Variants in ARID2 observed in about 807,000 individuals in gnomAD.
ARID2 encodes the protein AT-rich interactive domain-containing protein 2.
In ARID2, 32 loss-of-function variants were observed where a neutral mutation model predicts 184.6. That is an observed-to-expected ratio of 0.17 (90% CI 0.13 to 0.23). The LOEUF is 0.23. Ranked by LOEUF, ARID2 falls within the 10% of genes least tolerant of loss-of-function variation. The probability of loss-of-function intolerance (pLI) is 1.00; values close to 1 mark genes in which losing one functional copy is unlikely to be tolerated. For missense variants in ARID2, 1,696 were observed against 2,197.6 expected (o/e 0.77, Z 4.56); for synonymous variants, 836 against 772.6 (o/e 1.08, Z -1.36).
intron 3 of ARID2, among the ~76,000 whole-genome samples, chr12:45,796,793 C>T (rs1942400073): frequency 6.6e-6 from 1 of 152,126 alleles, no homozygotes; most frequent in South Asian, 2.1e-4. Context: ...CTGATGTGAA[C>T]CATTGCGCCT....
chr12:45,905,754 T>C lies in ARID2; in HGVS notation c.*676T>C, dbSNP rs1442320911. ...CTGCAGCCACTGGAAATACATTCTG[T>C]GGTGTCCTAGAAGCATTATTGGTAG... On this transcript the variant is annotated 3_prime_UTR_variant, in exon 21 of 21. Transcript: ENST00000334344. The C allele has an allele frequency of 4.3e-6, 1 of 232,884 alleles. No homozygotes were observed. The highest frequency in any genetic ancestry group is 8.5e-6 in the Non-Finnish European group (1 of 117,682). The allele number at this position is 232,884 out of a possible 1,614,324, so 14.4% of individuals were successfully genotyped here.
Position 45,839,515 on chromosome 12 carries a change from T to C in ARID2, c.1498+19T>C. On this transcript the variant is annotated intron_variant, in intron 11 of 20. Transcript: ENST00000334344. ...GCCCCAGGTTAGTGTTTTCACATAT[T>C]CTTTTTCAGTGTGGTTACGAGTGTA... 6.2e-7 allele frequency: 1 copy of C among 1,602,336 alleles called. No homozygotes were observed. The highest frequency in any genetic ancestry group is 8.5e-7 in the Non-Finnish European group (1 of 1,175,358).
chr12:45,883,773 A>G (rs1346836948), intron 16 of ARID2, among the ~76,000 whole-genome samples: 1 of 151,914 alleles, frequency 6.6e-6, no homozygotes, highest in African/African-American at 2.4e-5. Context: ...TTGAAAGCCC[A>G]CTTCCTCAGC....
chr12:45,782,365 C>T (rs966865149), intron 3 of ARID2, among the ~76,000 whole-genome samples: 4 of 152,104 alleles, frequency 2.6e-5, no homozygotes, highest in Non-Finnish European at 5.9e-5. Flanking sequence ...GGCACGGTGG[C>T]TCATGCCTGT....
intron 16 of ARID2, chr12:45,882,375 C>T (rs1944120497): frequency 6.6e-6 from 1 of 152,280 alleles, no homozygotes; most frequent in South Asian, 2.1e-4. Flanking sequence ...ACGAATAATG[C>T]TTTGTCTGAT....
At chr12:45,833,715 A>G (rs1455108049) in intron 6 of ARID2, among the ~76,000 whole-genome samples, 4 of 152,138 alleles carry the variant, frequency 2.6e-5, no homozygotes, top group Non-Finnish European at 5.9e-5. Flanking sequence ...TAGGTATGAC[A>G]TTTTGGGAAT....
rs1386766958 is a variant in ARID2 at position 45,851,164 on chromosome 12, A to G, written c.3041A>G (p.Gln1014Arg). The G allele has an allele frequency of 6.2e-7, 1 of 1,614,140 alleles. No homozygotes were observed. Among genetic ancestry groups the G allele is most frequent in the South Asian group, 1.1e-5 (1 of 91,082 alleles). ...ATGTTATCTGTGAAAAGGCAGCAAC[A>G]GCAGCAACATTCACCAGCACCCCCA... ...SQMLSVKRQQ[Q>R]QQHSPAPPPQ... is the part of the protein sequence containing the mutation. Residue 1014 changes from glutamine (Q) to arginine (R), a missense_variant, in exon 15 of 21, where the codon CAG becomes CGG. Physicochemically the swap from Gln to Arg is conservative, Grantham distance 43 (BLOSUM62 1). Coordinates refer to ENST00000334344, the MANE Select transcript of ARID2 (RefSeq NM_152641.4).
Position 45,837,673 on chromosome 12 carries a change from T to G in ARID2, c.1296T>G (p.Ala432=), listed in dbSNP as rs1943245347. Residue 432 remains alanine (A), a synonymous_variant, in exon 10 of 21, where the codon GCT becomes GCG. Coordinates refer to ENST00000334344, the MANE Select transcript of ARID2 (RefSeq NM_152641.4). ...LYMLTEMGDV[A]CTKIAKVEKS... is the part of the protein sequence containing the mutation. ...TGCTCACGGAAATGGGAGATGTTGC[T>G]TGCACAAAAATTGCAAAAGTAGAAA... 2 of 1,613,708 alleles carry G rather than the reference T, an allele frequency of 1.2e-6. No homozygotes were observed. The highest frequency in any genetic ancestry group is 1.7e-6 in the Non-Finnish European group (2 of 1,179,754).
intron 3 of ARID2, among the ~76,000 whole-genome samples, chr12:45,790,480 G>T (rs1196536819): frequency 6.6e-6 from 1 of 152,042 alleles, no homozygotes; most frequent in South Asian, 2.1e-4. Context: ...TGTTTATGTG[G>T]TTCTCTCAGT....
At chr12:45,811,381 A>G (rs1242111242) in intron 3 of ARID2, 37 bp from the exon 4 acceptor site, 14 of 1,584,810 alleles carry the variant, frequency 8.8e-6, no homozygotes, top group Non-Finnish European at 1.2e-5. Context: ...ATATAAATCT[A>G]TTTTTAAATG....
chr12:45,852,216 G>T lies in ARID2; in HGVS notation c.4093G>T (p.Asp1365Tyr), dbSNP rs2138176971. The T allele has an allele frequency of 2.5e-6, 4 of 1,614,040 alleles. No individual in the cohort carries two copies. Among genetic ancestry groups the T allele is most frequent in the Admixed American group, 1.7e-5 (1 of 59,998 alleles). Reference sequence around the variant, plus strand: ...GCTAGTTAATGGAATCTGTGATTTTGATAAAGGAGATGGTTCTCATTTAAG... The same window carrying T: ...GCTAGTTAATGGAATCTGTGATTTTTATAAAGGAGATGGTTCTCATTTAAG... Reference protein sequence around the residue: ...KPLVNGICDFDKGDGSHLSKN... With the variant: ...KPLVNGICDFYKGDGSHLSKN... The change falls in exon 15 of 21, where the codon GAT (aspartate) becomes TAT (tyrosine). Residue 1365 changes from aspartate to tyrosine, a missense_variant. Transcript: ENST00000334344.
intron 15 of ARID2, 21 bp downstream of exon 15, chr12:45,852,917 ATT>A: frequency 6.6e-7 from 1 of 1,525,254 alleles, no homozygotes; most frequent in East Asian, 2.3e-5. Context: ...CCATGATCAC[ATT>A]TCTCTTATGA....
chr12:45,790,475 A>T (rs1341753989), intron 3 of ARID2, among the ~76,000 whole-genome samples: 1 of 152,122 alleles, frequency 6.6e-6, no homozygotes, highest in African/African-American at 2.4e-5. Flanking sequence ...TAAATTGTTT[A>T]TGTGGTTCTC....
At chr12:45,860,338 C>T (rs1291830221) in intron 15 of ARID2, among the ~76,000 whole-genome samples, 1 of 152,186 alleles carries the variant, frequency 6.6e-6, no homozygotes, top group Non-Finnish European at 1.5e-5. Flanking sequence ...TTATTGCTAT[C>T]TAAAATTTTC....
chr12:45,884,610 TTAATAG>T, intron 16 of ARID2, among the ~76,000 whole-genome samples: 2 of 151,964 alleles, frequency 1.3e-5, no homozygotes, highest in African/African-American at 4.8e-5. Context: ...GACCGGCGGG[TTAATAG>T]CACTTGATGT....
intron 11 of ARID2, among the ~76,000 whole-genome samples, chr12:45,844,887 A>G (rs1943413926): frequency 6.6e-6 from 1 of 152,226 alleles, no homozygotes; most frequent in South Asian, 2.1e-4. Context: ...GGTGAGAATT[A>G]AGTCATTTGA....
intron 15 of ARID2, 89 bp from the exon 16 acceptor site, chr12:45,860,712 A>C: frequency 8.7e-7 from 1 of 1,150,278 alleles, no homozygotes; most frequent in Non-Finnish European, 1.1e-6. Context: ...GAAATGTATA[A>C]CAACATAATC....
intron 16 of ARID2, among the ~76,000 whole-genome samples, chr12:45,867,017 C>T (rs1055717956): frequency 3.3e-5 from 5 of 151,974 alleles, no homozygotes; most frequent in African/African-American, 1.2e-4. Context: ...GTGGGGTGAT[C>T]TCGGCTCACT....
At chr12:45,780,259 T>C (rs142924486) in intron 3 of ARID2, among the ~76,000 whole-genome samples, 1,621 of 152,300 alleles carry the variant, frequency 0.011, 20 homozygotes, top group South Asian at 0.026. Flanking sequence ...AGAATTTATC[T>C]TGAAAATTAA....
Sources: allele counts gnomAD v4.1 joint callset (sites outside exome capture counted in the v4.1 genomes callset), GRCh38; gene constraint gnomAD v4.1.1; transcripts MANE v1.5; gene names NCBI Gene and HGNC (gene_info 2026-07-23, HGNC 2026-07-21).